Variants in DTNBP1 observed in about 807,000 individuals in gnomAD.
DTNBP1 encodes the protein dysbindin.
In DTNBP1, 35 loss-of-function variants were observed where a neutral mutation model predicts 42.8. The ratio of observed to expected loss-of-function variants is 0.82; its 90% CI spans 0.63 to 1.09. The LOEUF (loss-of-function observed/expected upper bound fraction) is 1.09. Among genes scored for constraint, DTNBP1 ranks in the 50% least tolerant of loss-of-function variants. The pLI is 0.00. For synonymous variants in DTNBP1, 171 were observed against 162.2 expected (o/e 1.05, Z -0.41); for missense variants, 457 against 424.2 (o/e 1.08, Z -0.68).
chr6:15,567,794 C>G (rs969969119), intron 7 of DTNBP1, among the ~76,000 whole-genome samples: 2 of 152,126 alleles, frequency 1.3e-5, no homozygotes, highest in African/African-American at 2.4e-5. Context: ...CAGAATAAAC[C>G]TCTTAAAATA....
chr6:15,540,239 CTTCAG>C (rs1773480537), intron 7 of DTNBP1, among the ~76,000 whole-genome samples: 2 of 152,160 alleles, frequency 1.3e-5, no homozygotes, highest in Admixed American at 6.5e-5. Flanking sequence ...ATTTGTTTCA[CTTCAG>C]TTGTCAACAT....
At chr6:15,636,897 C>T (rs1760062967) in intron 4 of DTNBP1, among the ~76,000 whole-genome samples, 1 of 151,970 alleles carries the variant, frequency 6.6e-6, no homozygotes, top group South Asian at 2.1e-4. Flanking sequence ...CTTAATGTAT[C>T]TTAAAGAACT....
chr6:15,607,010 ATTTT>A (rs3045755), intron 6 of DTNBP1, among the ~76,000 whole-genome samples: 1 of 138,056 alleles, frequency 7.2e-6, no homozygotes. Flanking sequence ...TCAAAAAAAA[ATTTT>A]TTTTTTTTTT....
chr6:15,652,023 G>A (rs1461645750), intron 2 of DTNBP1, 64 bp downstream of exon 2: 1 of 1,403,380 alleles, frequency 7.1e-7, no homozygotes, highest in Non-Finnish European at 1.0e-6. Context: ...ACACAATTGT[G>A]AATACACCAA....
chr6:15,586,929 G>C (rs1050457341), intron 7 of DTNBP1, among the ~76,000 whole-genome samples: 6 of 151,954 alleles, frequency 3.9e-5, no homozygotes, highest in Non-Finnish European at 5.9e-5. Context: ...CTCTCTTCTC[G>C]TGCCTGTCTG....
intron 6 of DTNBP1, among the ~76,000 whole-genome samples, chr6:15,603,603 G>A (rs1474662504): frequency 6.6e-6 from 1 of 152,014 alleles, no homozygotes; most frequent in Non-Finnish European, 1.5e-5. Context: ...TTTGGTGCTA[G>A]GTATTTTTAT....
intron 6 of DTNBP1, among the ~76,000 whole-genome samples, chr6:15,594,845 A>G (rs960672393): frequency 6.6e-6 from 1 of 152,094 alleles, no homozygotes; most frequent in Non-Finnish European, 1.5e-5. Flanking sequence ...CAGAATTTCT[A>G]AAGGGCTCTC....
chr6:15,563,174 C>A (rs1380635988), intron 7 of DTNBP1, among the ~76,000 whole-genome samples: 1 of 152,188 alleles, frequency 6.6e-6, no homozygotes, highest in Non-Finnish European at 1.5e-5. Flanking sequence ...GCTTTCAGAT[C>A]TCAGCTAAAG....
At chr6:15,603,553 G>A (rs1003788798) in intron 6 of DTNBP1, among the ~76,000 whole-genome samples, 3 of 152,074 alleles carry the variant, frequency 2.0e-5, no homozygotes, top group African/African-American at 7.2e-5. Flanking sequence ...TGTTTTCCTA[G>A]TAATCTTTGA....
chr6:15,612,523 A>G (rs760881163), intron 6 of DTNBP1, among the ~76,000 whole-genome samples: 1 of 152,254 alleles, frequency 6.6e-6, no homozygotes, highest in Non-Finnish European at 1.5e-5. Context: ...GTAGCTAAAA[A>G]GCAATGGGCT....
intron 8 of DTNBP1, among the ~76,000 whole-genome samples, chr6:15,532,571 A>G (rs373559386): frequency 9.8e-5 from 15 of 152,304 alleles, no homozygotes; most frequent in East Asian, 7.7e-4. Flanking sequence ...CTCGACAGAG[A>G]CTAGAAAGAA....
intron 8 of DTNBP1, among the ~76,000 whole-genome samples, chr6:15,532,764 A>T (rs1361231915): frequency 7.9e-6 from 1 of 126,212 alleles, no homozygotes; most frequent in East Asian, 2.4e-4. Context: ...CAGTGGTGCG[A>T]TCTCGGCTCA....
intron 7 of DTNBP1, among the ~76,000 whole-genome samples, chr6:15,537,715 T>C (rs1323589391): frequency 6.6e-6 from 1 of 152,186 alleles, no homozygotes; most frequent in East Asian, 1.9e-4. Context: ...GTTTGACAGT[T>C]CCTTCCCACG....
chr6:15,557,666 T>C (rs1774606088), intron 7 of DTNBP1, among the ~76,000 whole-genome samples: 1 of 152,054 alleles, frequency 6.6e-6, no homozygotes, highest in Non-Finnish European at 1.5e-5. Context: ...TAAAAGACAA[T>C]GAAAGATTTT....
At chr6:15,622,232 A>T (rs568964348) in intron 5 of DTNBP1, among the ~76,000 whole-genome samples, 1 of 152,232 alleles carries the variant, frequency 6.6e-6, no homozygotes, top group Non-Finnish European at 1.5e-5. Context: ...AGAAAACATT[A>T]AACAACATGA....
intron 9 of DTNBP1, chr6:15,523,562 C>CCT: frequency 8.4e-7 from 1 of 1,183,676 alleles, no homozygotes; most frequent in Non-Finnish European, 1.1e-6. Context: ...ATCTAGATTT[C>CCT]TTTTTTTTTT....
At chr6:15,542,238 AAT>A (rs1278435008) in intron 7 of DTNBP1, among the ~76,000 whole-genome samples, 1 of 152,236 alleles carries the variant, frequency 6.6e-6, no homozygotes, top group Admixed American at 6.5e-5. Context: ...TCTGAATACA[AAT>A]AAACATCTCT....
chr6:15,617,634 C>A (rs1181339092), intron 5 of DTNBP1, among the ~76,000 whole-genome samples: 3 of 151,928 alleles, frequency 2.0e-5, no homozygotes, highest in African/African-American at 7.3e-5. Flanking sequence ...AATACATGGT[C>A]TCATCAATAA....
At chr6:15,618,806 C>G (rs1758867958) in intron 5 of DTNBP1, among the ~76,000 whole-genome samples, 1 of 151,988 alleles carries the variant, frequency 6.6e-6, no homozygotes, top group South Asian at 2.1e-4. Context: ...TACACAATAG[C>G]CGAGATATGA....
Sources: gnomAD v4.1 joint callset for allele counts (sites outside exome capture counted in the v4.1 genomes callset) on GRCh38, gnomAD v4.1.1 for gene constraint, MANE v1.5 for transcripts, NCBI Gene and HGNC (gene_info 2026-07-23, HGNC 2026-07-21) for gene names.